Variants in ZNF521 observed in about 807,000 individuals in gnomAD.
ZNF521 encodes the protein zinc finger protein 521, also known as LYST-interacting protein 3.
A neutral mutation model predicts 105.5 loss-of-function variants in ZNF521; 14 were observed. That is an observed-to-expected ratio of 0.13 (90% CI 0.09 to 0.21). ZNF521 has a LOEUF of 0.21. Ranked by LOEUF, ZNF521 falls within the 10% of genes least tolerant of loss-of-function variation. The probability of loss-of-function intolerance (pLI) is 1.00; values close to 1 mark genes in which losing one functional copy is unlikely to be tolerated. For synonymous variants in ZNF521, 635 were observed against 606.0 expected, an observed-to-expected ratio of 1.05 and a Z score of -0.70; for missense variants, 1,233 against 1,629.7, an observed-to-expected ratio of 0.76 and a Z score of 4.19.
chr18:25,138,902 C>G (rs1302269281), intron 5 of ZNF521, among the ~76,000 whole-genome samples: 3 of 152,124 alleles, frequency 2.0e-5, no homozygotes, highest in African/African-American at 7.2e-5. Context: ...CCACAGGGCA[C>G]TGGAGGGAAC....
intron 4 of ZNF521, among the ~76,000 whole-genome samples, chr18:25,206,174 T>G (rs1869082761): frequency 6.6e-6 from 1 of 152,012 alleles, no homozygotes; most frequent in African/African-American, 2.4e-5. Flanking sequence ...CAGCTAATTT[T>G]TTTTTGTATT....
chr18:25,263,907 A>C (rs1477752120), intron 3 of ZNF521, among the ~76,000 whole-genome samples: 1 of 152,228 alleles, frequency 6.6e-6, no homozygotes, highest in Non-Finnish European at 1.5e-5. Context: ...ACCTATATGT[A>C]AGAATGAATA....
intron 3 of ZNF521, among the ~76,000 whole-genome samples, chr18:25,288,746 C>T (rs1600261843): frequency 6.6e-6 from 1 of 152,136 alleles, no homozygotes; most frequent in South Asian, 2.1e-4. Context: ...GAACACGTTA[C>T]CCAGTTCCTA....
intron 7 of ZNF521, among the ~76,000 whole-genome samples, chr18:25,078,645 T>C (rs1228939838): frequency 6.6e-6 from 1 of 152,186 alleles, no homozygotes; most frequent in Non-Finnish European, 1.5e-5. Context: ...ACACAGTAGG[T>C]CCCCTATGGC....
chr18:25,114,529 G>A (rs1258894931), intron 5 of ZNF521, among the ~76,000 whole-genome samples: 1 of 152,134 alleles, frequency 6.6e-6, no homozygotes, highest in Admixed American at 6.5e-5. Flanking sequence ...ATAGCATAGT[G>A]GGCAGGATAA....
At chr18:25,278,536 C>A (rs766358393) in intron 3 of ZNF521, among the ~76,000 whole-genome samples, 14 of 152,190 alleles carry the variant, frequency 9.2e-5, no homozygotes, top group Non-Finnish European at 1.9e-4. Flanking sequence ...ACCCACAGAA[C>A]CCAGCCTCGC....
chr18:25,114,500 A>G (rs1370983764), intron 5 of ZNF521, among the ~76,000 whole-genome samples: 2 of 152,212 alleles, frequency 1.3e-5, no homozygotes, highest in East Asian at 3.8e-4. Flanking sequence ...AGACTAACTG[A>G]TAAGAGATGA....
intron 3 of ZNF521, among the ~76,000 whole-genome samples, chr18:25,307,770 G>A (rs944839066): frequency 1.3e-4 from 20 of 152,118 alleles, no homozygotes; most frequent in African/African-American, 4.6e-4. Flanking sequence ...TCTCTCTGCT[G>A]TCTGTCTGTC....
At chr18:25,205,790 G>T (rs1392055101) in intron 4 of ZNF521, among the ~76,000 whole-genome samples, 1 of 152,172 alleles carries the variant, frequency 6.6e-6, no homozygotes, top group East Asian at 1.9e-4. Context: ...AATTAGATTG[G>T]TTCATTTTAT....
intron 5 of ZNF521, among the ~76,000 whole-genome samples, chr18:25,180,541 A>G (rs1485636537): frequency 6.6e-6 from 1 of 151,800 alleles, no homozygotes; most frequent in Non-Finnish European, 1.5e-5. Context: ...ATTTATTTCC[A>G]ATGCCTCAAG....
intron 4 of ZNF521, among the ~76,000 whole-genome samples, chr18:25,204,283 A>C (rs1398440674): frequency 1.3e-5 from 2 of 152,236 alleles, no homozygotes; most frequent in Non-Finnish European, 2.9e-5. Context: ...ATAATTGAGT[A>C]AAAAAGTTGA....
At chr18:25,152,649 C>G (rs1177428936) in intron 5 of ZNF521, among the ~76,000 whole-genome samples, 1 of 151,976 alleles carries the variant, frequency 6.6e-6, no homozygotes, top group African/African-American at 2.4e-5. Flanking sequence ...GAGGAGACCC[C>G]GGAAAATTAT....
At chr18:25,149,846 A>G (rs1045162996) in intron 5 of ZNF521, among the ~76,000 whole-genome samples, 1 of 152,206 alleles carries the variant, frequency 6.6e-6, no homozygotes, top group Non-Finnish European at 1.5e-5. Flanking sequence ...CACCTGGGTG[A>G]GCAATGATAG....
intron 7 of ZNF521, among the ~76,000 whole-genome samples, chr18:25,081,280 G>T (rs1248538685): frequency 1.3e-5 from 2 of 152,296 alleles, no homozygotes; most frequent in Middle Eastern, 3.4e-3. Context: ...ATGGCAGCTC[G>T]CTAACAACAG....
chr18:25,212,317 C>T (rs953978832), intron 4 of ZNF521, among the ~76,000 whole-genome samples: 1 of 150,890 alleles, frequency 6.6e-6, no homozygotes, highest in Non-Finnish European at 1.5e-5. Context: ...CGAGACCAGC[C>T]TGGCCAACAT....
At chr18:25,270,111 T>C (rs140598512) in intron 3 of ZNF521, among the ~76,000 whole-genome samples, 1,577 of 152,198 alleles carry the variant, frequency 0.01, 32 homozygotes, top group African/African-American at 0.034. Context: ...ATCACCAGTG[T>C]TCCCAGAGAA....
intron 3 of ZNF521, among the ~76,000 whole-genome samples, chr18:25,266,883 T>C (rs1157669757): frequency 6.6e-6 from 1 of 152,078 alleles, no homozygotes; most frequent in Non-Finnish European, 1.5e-5. Flanking sequence ...TTTTTGTTTC[T>C]TTTTTTCCAT....
At chr18:25,151,186 G>C (rs1000866109) in intron 5 of ZNF521, among the ~76,000 whole-genome samples, 1 of 152,018 alleles carries the variant, frequency 6.6e-6, no homozygotes, top group East Asian at 1.9e-4. Context: ...TTGGAAACAG[G>C]GTCTCTGAGG....
chr18:25,169,949 A>G (rs749546694), intron 5 of ZNF521, among the ~76,000 whole-genome samples: 8 of 152,160 alleles, frequency 5.3e-5, no homozygotes, highest in Non-Finnish European at 1.0e-4. Context: ...AGGAAACTTA[A>G]AGTGTGTCAC....
Sources: gnomAD v4.1 joint callset for allele counts (sites outside exome capture counted in the v4.1 genomes callset) on GRCh38, gnomAD v4.1.1 for gene constraint, MANE v1.5 for transcripts, NCBI Gene and HGNC (gene_info 2026-07-23, HGNC 2026-07-21) for gene names.